The following ARHGAP21 variants were observed in gnomAD, a reference collection of about 807,000 sequenced individuals.
The protein encoded by ARHGAP21 is Rho GTPase activating protein 21.
A neutral mutation model predicts 164.6 loss-of-function variants in ARHGAP21; 38 were observed. The observed-to-expected ratio is 0.23, with a 90% confidence interval of 0.18 to 0.30. The LOEUF (loss-of-function observed/expected upper bound fraction) is 0.30. ARHGAP21 is among the 10% of genes least tolerant of loss of function. ARHGAP21 has a pLI of 1.00. For missense variants in ARHGAP21, 1,822 were observed against 2,370.7 expected (o/e 0.77, Z 4.81); for synonymous variants, 766 against 857.9 (o/e 0.89, Z 1.87).
chr10:24,594,342 A>ACAAT (rs1448298708), intron 21 of ARHGAP21, among the ~76,000 whole-genome samples: 2 of 152,194 alleles, frequency 1.3e-5, no homozygotes, highest in African/African-American at 4.8e-5. Flanking sequence ...AGACACTTTT[A>ACAAT]CAATCAAGAA....
At chr10:24,611,236 A>G (rs939221064) in intron 9 of ARHGAP21, among the ~76,000 whole-genome samples, 8 of 152,194 alleles carry the variant, frequency 5.3e-5, no homozygotes, top group Admixed American at 1.3e-4. Context: ...GGCCCCTTAT[A>G]TTAATAGTAT....
intron 2 of ARHGAP21, among the ~76,000 whole-genome samples, 170 bp from the exon 3 acceptor site, chr10:24,670,567 T>A (rs1003718662): frequency 1.3e-4 from 20 of 152,046 alleles, no homozygotes; most frequent in African/African-American, 4.6e-4. Flanking sequence ...TATATTATTA[T>A]AACAAAGCAA....
intron 14 of ARHGAP21, among the ~76,000 whole-genome samples, chr10:24,600,132 C>CAACAAAA (rs2076752603): frequency 1.1e-5 from 1 of 94,862 alleles, no homozygotes; most frequent in Non-Finnish European, 2.0e-5. Flanking sequence ...GACTTCGTTT[C>CAACAAAA]AAAAAAAAAA....
At chr10:24,629,437 C>A (rs958887593) in intron 7 of ARHGAP21, 1 of 152,156 alleles carries the variant, frequency 6.6e-6, no homozygotes, top group African/African-American at 2.4e-5. Context: ...CATTTCAAGA[C>A]CATAACATAT....
At chr10:24,712,982 A>T (rs1844986746) in intron 2 of ARHGAP21, among the ~76,000 whole-genome samples, 1 of 150,048 alleles carries the variant, frequency 6.7e-6, no homozygotes, top group South Asian at 2.1e-4. Flanking sequence ...CTCAAGGTTA[A>T]AAAAAAAAAC....
At chr10:24,588,889 G>T (rs2076216081) in intron 25 of ARHGAP21, among the ~76,000 whole-genome samples, 1 of 152,178 alleles carries the variant, frequency 6.6e-6, no homozygotes, top group African/African-American at 2.4e-5. Flanking sequence ...CCTAGAGGGA[G>T]GGAAGCAGGT....
At chr10:24,589,326 G>A (rs2076237171) in intron 24 of ARHGAP21, 24 bp from the exon 25 acceptor site, 1 of 1,600,850 alleles carries the variant, frequency 6.2e-7, no homozygotes, top group African/African-American at 1.3e-5. Flanking sequence ...AATAAAACAT[G>A]GTCAGTATTA....
chr10:24,604,293 G>C lies in ARHGAP21; in HGVS notation c.2721+19C>G, dbSNP rs1223539715. ...ATGAAGAGATAAACTAAGGTAAGTA[G>C]AAACACTCTAATACCAACCTTGATT... is the stretch of plus-strand genomic sequence containing the variant. On this transcript the variant is annotated intron_variant, in intron 12 of 25. Coordinates refer to ENST00000396432, the MANE Select transcript of ARHGAP21 (RefSeq NM_020824.4). The C allele has an allele frequency of 6.5e-7, 1 of 1,548,036 alleles. No individual in the cohort carries two copies. The highest frequency in any genetic ancestry group is 1.4e-5 in the African/African-American group (1 of 72,616).
At position 24,611,406 on chromosome 10, in the gene ARHGAP21, C is replaced by T. The variant is rs139069367; in HGVS notation, c.2423-3503G>A. 3.9e-4 allele frequency among the ~76,000 whole-genome samples: 60 copies of T among 152,104 alleles called. 1 individual carries two copies. In the East Asian group the frequency reaches 0.01, roughly 26 times the overall value. ...GAATCTGAGAATGAAGAAAGCAAAACGAAAAAAGACTCACAGGCCAGGCGC... is the reference window on the plus strand; with the variant it reads ...GAATCTGAGAATGAAGAAAGCAAAATGAAAAAAGACTCACAGGCCAGGCGC... On this transcript the variant is annotated intron_variant, in intron 9 of 25. Transcript: ENST00000396432.
At position 24,590,684 on chromosome 10, in the gene ARHGAP21, G is replaced by A. The variant is rs2076288761; in HGVS notation, c.4150+541C>T. On this transcript the variant is annotated intron_variant, in intron 24 of 25. Transcript: ENST00000396432. ...AGCATTAGGGTGGCAACAGGAAACA[G>A]AAGAAAATAAATGTCAAATAGGCTG... 4 of 1,322,846 alleles carry A rather than the reference G, an allele frequency of 3.0e-6. No individual in the cohort carries two copies. The South Asian group carries it at 9.7e-5, about 32-fold the overall frequency. 81.9% of individuals were successfully genotyped at this position (1,322,846 alleles called of 1,614,324 possible).
chr10:24,663,046 C>T (rs1839864183), intron 4 of ARHGAP21, among the ~76,000 whole-genome samples: 2 of 151,578 alleles, frequency 1.3e-5, no homozygotes, highest in Non-Finnish European at 2.9e-5. Context: ...ATGGGTTCCA[C>T]AGGGTCTATT....
At chr10:24,684,029 G>A (rs556585297) in intron 2 of ARHGAP21, among the ~76,000 whole-genome samples, 8 of 152,320 alleles carry the variant, frequency 5.3e-5, no homozygotes, top group African/African-American at 1.9e-4. Flanking sequence ...GCTCACACCT[G>A]TAATCCCAGC....
At chr10:24,608,706 A>C (rs1224673337) in intron 9 of ARHGAP21, among the ~76,000 whole-genome samples, 1 of 152,196 alleles carries the variant, frequency 6.6e-6, no homozygotes, top group Non-Finnish European at 1.5e-5. Context: ...AAAATATAAC[A>C]TTTCCATTTT....
intron 12 of ARHGAP21, 112 bp from the exon 13 acceptor site, chr10:24,602,215 T>A (rs908239091): frequency 7.2e-6 from 9 of 1,244,168 alleles, no homozygotes; most frequent in Non-Finnish European, 9.9e-6. Context: ...TGAAGGGCTA[T>A]TTTTGAAAAA....
chr10:24,593,777 A>T (rs536666481), intron 21 of ARHGAP21, among the ~76,000 whole-genome samples: 6 of 152,320 alleles, frequency 3.9e-5, no homozygotes, highest in African/African-American at 1.4e-4. Flanking sequence ...AAATACTGAA[A>T]TTAATTAGAG....
At chr10:24,590,626 T>C in intron 24 of ARHGAP21, 2 of 1,397,030 alleles carry the variant, frequency 1.4e-6, no homozygotes, top group Non-Finnish European at 1.9e-6. Context: ...AAAGTTTTCA[T>C]CAAAAGAGCC....
chr10:24,585,552 G>A lies in ARHGAP21; in HGVS notation c.4737C>T (p.Asn1579=), dbSNP rs549076910. ...AATAATCTGAGGTGATGGTGCTGACGTTGGCCAAAAACTCGCTATGTTTCG... is the reference window on the plus strand; with the variant it reads ...AATAATCTGAGGTGATGGTGCTGACATTGGCCAAAAACTCGCTATGTTTCG... ...PETKHSEFLA[N]VSTITSDYST... is the part of the protein sequence containing the mutation. Residue 1579 remains asparagine, a synonymous_variant, in exon 26 of 26, where the codon AAC becomes AAT. Coordinates refer to ENST00000396432, the MANE Select transcript of ARHGAP21 (RefSeq NM_020824.4). 1.8e-5 allele frequency: 29 copies of A among 1,614,176 alleles called. No individual in the cohort carries two copies. The highest frequency in any genetic ancestry group is 1.6e-4 in the Middle Eastern group (1 of 6,062).
At position 24,669,242 on chromosome 10, in the gene ARHGAP21, T is replaced by G. The variant is rs375837489; in HGVS notation, c.243+976A>C. Among the ~76,000 whole-genome samples the G allele has an allele frequency of 4.9e-4, 74 of 152,284 alleles. No homozygotes were observed. The South Asian group carries it at 0.014, about 29-fold the overall frequency. ...TCAAAAAAGCATACCCTGTAGGACATTACTAGAAAGACATATTTAACAAAA... is the reference window on the plus strand; with the variant it reads ...TCAAAAAAGCATACCCTGTAGGACAGTACTAGAAAGACATATTTAACAAAA... On this transcript the variant is annotated intron_variant, in intron 3 of 25. Transcript: ENST00000396432.
intron 2 of ARHGAP21, among the ~76,000 whole-genome samples, chr10:24,702,452 G>T (rs1843775185): frequency 6.6e-6 from 1 of 151,838 alleles, no homozygotes; most frequent in Non-Finnish European, 1.5e-5. Context: ...TCTTAATTGT[G>T]GTATGGGAAT....
Sources: allele counts gnomAD v4.1 joint callset (sites outside exome capture counted in the v4.1 genomes callset), GRCh38; gene constraint gnomAD v4.1.1; transcripts MANE v1.5; gene names NCBI Gene and HGNC (gene_info 2026-07-23, HGNC 2026-07-21).